RNF20: variants seen among roughly 807,000 people sequenced by gnomAD.
RNF20 encodes the protein ring finger protein 20.
RNF20 carries 84 observed loss-of-function variants against 126.2 expected under a neutral mutation model. The ratio of observed to expected loss-of-function variants is 0.67; its 90% CI spans 0.56 to 0.80. RNF20 has a LOEUF of 0.80. Among genes scored for constraint, RNF20 ranks in the 30% least tolerant of loss-of-function variants. The pLI, the probability that RNF20 is intolerant of heterozygous loss-of-function variation, is 0.00. For missense variants in RNF20, 869 were observed against 1,188.2 expected, an observed-to-expected ratio of 0.73 and a Z score of 3.95; for synonymous variants, 400 against 414.3, an observed-to-expected ratio of 0.97 and a Z score of 0.42.
chr9:101,561,200 A>G lies in RNF20; in HGVS notation c.2619A>G (p.Glu873=). 1.2e-6 allele frequency: 2 copies of G among 1,613,864 alleles called. No homozygotes were observed. The highest frequency in any genetic ancestry group is 1.7e-6 in the Non-Finnish European group (2 of 1,179,796). The change falls in exon 18 of 20, where the codon GAA becomes GAG. Residue 873 remains glutamate (E), a synonymous_variant. Transcript: ENST00000389120. ...TCGTGGAGAACAGTGTTACCAAAGA[A>G]AAGGACATGTTCAATTTCAAACGAG... is the stretch of plus-strand genomic sequence containing the variant. ...DEIVENSVTK[E]KDMFNFKRAQ... is the part of the protein sequence containing the mutation.
intron 16 of RNF20, 112 bp from the exon 17 acceptor site, chr9:101,560,689 T>A: frequency 9.7e-7 from 1 of 1,026,324 alleles, no homozygotes; most frequent in Non-Finnish European, 1.4e-6. Flanking sequence ...AAATCAGTAA[T>A]AGTTTGAGAT....
chr9:101,540,866 G>A lies in RNF20; in HGVS notation c.519G>A (p.Gln173=), dbSNP rs1827250069. ...GTTCCAGTGAAGAGATGGAGTCTCA[G>A]CTGCAGGAACGTGTGGAGTCTTCCC... ...ASSSSEEMES[Q]LQERVESSRR... is the part of the protein sequence containing the mutation. Residue 173 remains glutamine (Q), a synonymous_variant, in exon 5 of 20, where the codon CAG becomes CAA. Transcript: ENST00000389120. 6.2e-7 allele frequency: 1 copy of A among 1,613,998 alleles called. No individual in the cohort carries two copies. The highest frequency in any genetic ancestry group is 1.3e-5 in the African/African-American group (1 of 75,002).
In RNF20 at chr9:101,554,742, A is replaced by G. The variant is rs767055854; in HGVS notation, c.2068A>G (p.Lys690Glu). ...RLKDLEDKEK[K>E]ENKKMADEDA... is the part of the protein sequence containing the mutation. Reference sequence around the variant, plus strand: ...CAAGGATCTGGAAGATAAAGAGAAGAAAGAGAACAAGAAAATGGCTGATGA... The same window carrying G: ...CAAGGATCTGGAAGATAAAGAGAAGGAAGAGAACAAGAAAATGGCTGATGA... Residue 690 changes from lysine (K) to glutamate (E), a missense_variant, in exon 15 of 20, where the codon AAA becomes GAA. Coordinates refer to ENST00000389120, the MANE Select transcript of RNF20 (RefSeq NM_019592.7). 7 of 1,609,658 alleles carry G rather than the reference A, an allele frequency of 4.3e-6. No individual in the cohort carries two copies. The East Asian group carries it at 1.6e-4, about 36-fold the overall frequency.
rs1360451472 is a variant in RNF20 at position 101,540,298 on chromosome 9, C to A, written c.225C>A (p.His75Gln). Residue 75 changes from histidine (H) to glutamine (Q), a missense_variant, in exon 3 of 20, where the codon CAC (histidine) becomes CAA (glutamine). By Grantham distance (24) the His-to-Gln change is conservative. Around this residue, in one of 8 missense-constraint regions of RNF20, gnomAD observed 157 missense variants for 236.0 expected, o/e 0.67. Coordinates refer to ENST00000389120, the MANE Select transcript of RNF20 (RefSeq NM_019592.7). ...RQAIEDELRE[H>Q]IEKLERRQAT... ...CCATTGAAGATGAACTTCGTGAGCACATTGAAAAACTGGAACGACGACAGG... is the reference window on the plus strand; with the variant it reads ...CCATTGAAGATGAACTTCGTGAGCAAATTGAAAAACTGGAACGACGACAGG... 3.7e-6 allele frequency: 6 copies of A among 1,614,122 alleles called. No homozygotes were observed. The highest frequency in any genetic ancestry group is 5.1e-6 in the Non-Finnish European group (6 of 1,180,026).
chr9:101,561,422 A>C (rs560299852), intron 18 of RNF20, 192 bp downstream of exon 18: 2 of 552,910 alleles, frequency 3.6e-6, no homozygotes, highest in Non-Finnish European at 6.3e-6. Context: ...CCTTGCACCT[A>C]GTAGGCACAA....
At chr9:101,560,627 G>A (rs531636868) in intron 16 of RNF20, 174 bp from the exon 17 acceptor site, 5 of 469,568 alleles carry the variant, frequency 1.1e-5, no homozygotes, top group African/African-American at 5.9e-5. Flanking sequence ...TATATTAAAA[G>A]TAAAGCTTTC....
intron 5 of RNF20, among the ~76,000 whole-genome samples, chr9:101,541,734 C>G (rs1317352791): frequency 6.6e-6 from 1 of 151,930 alleles, no homozygotes; most frequent in African/African-American, 2.4e-5. Context: ...TTCATTATCG[C>G]TAATGTTTTT....
intron 16 of RNF20, among the ~76,000 whole-genome samples, chr9:101,560,444 T>C (rs758246094): frequency 6.6e-6 from 1 of 152,228 alleles, no homozygotes; most frequent in Non-Finnish European, 1.5e-5. Flanking sequence ...TCTTTTAGAA[T>C]GTCTAGCCAT....
chr9:101,560,875 G>A lies in RNF20; in HGVS notation c.2457G>A (p.Gly819=). ...TGTTACAGAGCAACATTGGCACAGG[G>A]GAGAAAGAGCTGGGTCTTAGGACCC... ...EHLLQSNIGT[G]EKELGLRTQA... Residue 819 remains glycine (G), a synonymous_variant, in exon 17 of 20, where the codon GGG becomes GGA. Coordinates refer to ENST00000389120, the MANE Select transcript of RNF20 (RefSeq NM_019592.7). 6.2e-7 allele frequency: 1 copy of A among 1,613,694 alleles called. No homozygotes were observed. Among genetic ancestry groups the A allele is most frequent in the Non-Finnish European group, 8.5e-7 (1 of 1,179,702 alleles).
chr9:101,539,948 T>C (rs895159972), intron 2 of RNF20, among the ~76,000 whole-genome samples: 2 of 151,998 alleles, frequency 1.3e-5, no homozygotes, highest in African/African-American at 4.8e-5. Flanking sequence ...CATTACTTTG[T>C]AGATGTTTAT....
intron 5 of RNF20, 24 bp downstream of exon 5, chr9:101,540,999 G>A (rs576092601): frequency 3.8e-6 from 6 of 1,589,014 alleles, no homozygotes; most frequent in Non-Finnish European, 5.2e-6. Flanking sequence ...CTGGAGGCCG[G>A]GAGTAGTGGA....
intron 1 of RNF20, among the ~76,000 whole-genome samples, chr9:101,535,165 CCAAAGTGCTGGGATTA>C (rs1300099580): frequency 2.0e-5 from 3 of 151,978 alleles, no homozygotes; most frequent in Non-Finnish European, 4.4e-5. Context: ...CCTCGGCCTC[CCAAAGTGCTGGGATTA>C]CAGACATGAG....
intron 2 of RNF20, among the ~76,000 whole-genome samples, chr9:101,539,497 A>C (rs1231129679): frequency 6.6e-6 from 1 of 152,194 alleles, no homozygotes; most frequent in Non-Finnish European, 1.5e-5. Context: ...AAGGAGACCG[A>C]AAAGGAGAAA....
At position 101,552,410 on chromosome 9, in the gene RNF20, C is replaced by G; in HGVS notation, c.1558C>G (p.Leu520Val). ...KTRLRSGSALLQSQSSTEDPK... is the reference protein window; with the variant it reads ...KTRLRSGSALVQSQSSTEDPK... The stretch of plus-strand genomic sequence containing the variant: ...ACGCCTGCGTAGTGGTAGTGCCCTC[C>G]TGCAGTCCCAGTCTAGTACTGAGGA... Residue 520 changes from leucine to valine, a missense_variant, in exon 13 of 20, where the codon CTG becomes GTG. Leu to Val is a conservative substitution (Grantham distance 32, BLOSUM62 1). Coordinates refer to ENST00000389120, the MANE Select transcript of RNF20 (RefSeq NM_019592.7). 1 of 1,605,638 alleles carries G rather than the reference C, an allele frequency of 6.2e-7. No individual in the cohort carries two copies.
rs113789277 is a variant in RNF20, at chr9:101,549,636, C to T, written c.1093-970C>T. On this transcript the variant is annotated intron_variant, in intron 9 of 19. Coordinates refer to ENST00000389120, the MANE Select transcript of RNF20 (RefSeq NM_019592.7). The stretch of plus-strand genomic sequence containing the variant: ...AGCAGGTGTTTTCCCTTGACACTTA[C>T]GCTACCGCTAGACCACGGTCCACCT... Among the ~76,000 whole-genome samples the T allele has an allele frequency of 2.7e-3, 418 of 152,260 alleles. 3 individuals carry two copies. The highest frequency in any genetic ancestry group is 7.7e-3 in the African/African-American group (319 of 41,550).
At chr9:101,556,271 G>C (rs1255605722) in intron 15 of RNF20, among the ~76,000 whole-genome samples, 2 of 152,080 alleles carry the variant, frequency 1.3e-5, no homozygotes, top group Admixed American at 6.5e-5. Flanking sequence ...AAGAGAAATT[G>C]AAAAAGAACA....
chr9:101,546,189 C>G (rs1201379942), intron 6 of RNF20, among the ~76,000 whole-genome samples: 2 of 152,028 alleles, frequency 1.3e-5, no homozygotes. Flanking sequence ...GTTTTAAAAC[C>G]TAGCACAAAG....
intron 5 of RNF20, among the ~76,000 whole-genome samples, chr9:101,542,615 C>A (rs1165535889): frequency 6.6e-6 from 1 of 152,106 alleles, no homozygotes; most frequent in African/African-American, 2.4e-5. Flanking sequence ...CTTCTTTCTC[C>A]TTGGGCTCTA....
Position 101,553,761 on chromosome 9 carries a change from G to A in RNF20, c.1902-227G>A, listed in dbSNP as rs117694026. Among the ~76,000 whole-genome samples the A allele has an allele frequency of 5.8e-3, 876 of 152,234 alleles. 9 individuals are homozygous for A. Among genetic ancestry groups the A allele is most frequent in the Non-Finnish European group, 9.8e-3 (669 of 68,012 alleles). ...TGTCTGTTTTATAACTTTGTTAGAG[G>A]ACTTTGAAGGGAGAAATGATTCATT... On this transcript the variant is annotated intron_variant, in intron 13 of 19. Transcript: ENST00000389120.
Sources: allele counts gnomAD v4.1 joint callset (sites outside exome capture counted in the v4.1 genomes callset), GRCh38; gene constraint gnomAD v4.1.1; regional missense constraint gnomAD v4.1.1; transcripts MANE v1.5; gene names NCBI Gene and HGNC (gene_info 2026-07-23, HGNC 2026-07-21).